Variants in DPYD observed in about 807,000 individuals in gnomAD.
DPYD encodes dihydropyrimidine dehydrogenase [NADP(+)].
A neutral mutation model predicts 116.2 loss-of-function variants in DPYD; 109 were observed. The ratio of observed to expected loss-of-function variants is 0.94; its 90% CI spans 0.80 to 1.10. DPYD has a LOEUF of 1.10. Ranked by LOEUF, DPYD falls within the 50% of genes least tolerant of loss-of-function variation. The probability of loss-of-function intolerance (pLI) is 0.00; values close to 1 mark genes in which losing one functional copy is unlikely to be tolerated. For missense variants in DPYD, 1,302 were observed against 1,254.5 expected, an observed-to-expected ratio of 1.04 and a Z score of -0.57; for synonymous variants, 440 against 432.0, an observed-to-expected ratio of 1.02 and a Z score of -0.23.
At chr1:97,695,859 G>A (rs1241919217) in intron 6 of DPYD, among the ~76,000 whole-genome samples, 2 of 152,184 alleles carry the variant, frequency 1.3e-5, no homozygotes, top group African/African-American at 4.8e-5. Context: ...GCCGGGCGCA[G>A]TGGCTCACGC....
At chr1:97,171,643 TA>T (rs1258783599) in intron 20 of DPYD, among the ~76,000 whole-genome samples, 3 of 152,174 alleles carry the variant, frequency 2.0e-5, no homozygotes, top group African/African-American at 4.8e-5. Context: ...ATTCATACCT[TA>T]CATAAATCAT....
At chr1:97,296,553 T>C (rs12028211) in intron 18 of DPYD, among the ~76,000 whole-genome samples, 5,919 of 152,202 alleles carry the variant, frequency 0.039, 294 homozygotes, top group East Asian at 0.17. Context: ...AAATTCACTT[T>C]TATTTTGAAT....
intron 14 of DPYD, among the ~76,000 whole-genome samples, chr1:97,425,230 CAAAT>C (rs1188833280): frequency 6.6e-6 from 1 of 151,746 alleles, no homozygotes; most frequent in African/African-American, 2.4e-5. Flanking sequence ...TAAAGAAAAA[CAAAT>C]AAAAAATATC....
At chr1:97,430,332 G>A (rs1217099540) in intron 14 of DPYD, among the ~76,000 whole-genome samples, 2 of 152,150 alleles carry the variant, frequency 1.3e-5, no homozygotes, top group African/African-American at 4.8e-5. Flanking sequence ...AAGACTGACA[G>A]ATTTGCTCAT....
In DPYD at chr1:97,193,247, A is replaced by C; in HGVS notation, c.2444T>G (p.Val815Gly). 6.2e-7 allele frequency: 1 copy of C among 1,613,194 alleles called. No homozygotes were observed. Among genetic ancestry groups the C allele is most frequent in the Non-Finnish European group, 8.5e-7 (1 of 1,179,612 alleles). The change falls in exon 20 of 23, where the codon GTA becomes GGA. Residue 815 changes from valine (V) to glycine (G), a missense_variant and splice_region_variant. By Grantham distance (109) the Val-to-Gly change is moderately radical. Coordinates refer to ENST00000370192, the MANE Select transcript of DPYD (RefSeq NM_000110.4). ...FLHSGASVLQVCSAIQNQDFT... is the reference protein window; with the variant it reads ...FLHSGASVLQGCSAIQNQDFT... Reference sequence around the variant, plus strand: ...ATCCTGATTCTGAATGGCACTGCATACCTAGAAAAGACAGAGCAGTCAACC... The same window carrying C: ...ATCCTGATTCTGAATGGCACTGCATCCCTAGAAAAGACAGAGCAGTCAACC...
chr1:97,599,242 T>C (rs1353299092), intron 8 of DPYD, among the ~76,000 whole-genome samples: 1 of 152,222 alleles, frequency 6.6e-6, no homozygotes, highest in African/African-American at 2.4e-5. Context: ...TTGATATTCT[T>C]TGAAATGTGT....
intron 19 of DPYD, among the ~76,000 whole-genome samples, chr1:97,203,793 C>CAAAA (rs56819543): frequency 3.0e-4 from 20 of 65,706 alleles, no homozygotes; most frequent in East Asian, 4.7e-4. Flanking sequence ...ATTCACATTC[C>CAAAA]AAAAAAAAAA....
At chr1:97,766,903 AG>A (rs1431777585) in intron 3 of DPYD, among the ~76,000 whole-genome samples, 1 of 152,204 alleles carries the variant, frequency 6.6e-6, no homozygotes, top group African/African-American at 2.4e-5. Flanking sequence ...TTTCTTCAGA[AG>A]TGGCCCAGGA....
chr1:97,875,623 T>C (rs1671873642), intron 2 of DPYD, among the ~76,000 whole-genome samples: 1 of 152,056 alleles, frequency 6.6e-6, no homozygotes, highest in South Asian at 2.1e-4. Context: ...ATGAGCTTTA[T>C]ACTCTGAAGG....
intron 3 of DPYD, among the ~76,000 whole-genome samples, chr1:97,794,075 C>A (rs750582375): frequency 2.0e-5 from 3 of 152,034 alleles, no homozygotes; most frequent in African/African-American, 4.8e-5. Flanking sequence ...GTAGCTGGGA[C>A]TACAGGCATG....
intron 13 of DPYD, among the ~76,000 whole-genome samples, chr1:97,491,764 T>C (rs1274119680): frequency 6.6e-6 from 1 of 152,128 alleles, no homozygotes; most frequent in African/African-American, 2.4e-5. Context: ...TTGTCTATTA[T>C]ATAAAGTTTT....
chr1:97,340,732 G>A (rs1216546426), intron 16 of DPYD, among the ~76,000 whole-genome samples: 1 of 152,154 alleles, frequency 6.6e-6, no homozygotes, highest in Non-Finnish European at 1.5e-5. Context: ...GTATCTGTTA[G>A]ATTTTGACTG....
At chr1:97,564,320 T>C (rs571308766) in intron 11 of DPYD, among the ~76,000 whole-genome samples, 15 of 152,224 alleles carry the variant, frequency 9.9e-5, no homozygotes, top group Non-Finnish European at 2.1e-4. Flanking sequence ...AAGCTGACCT[T>C]TTTTCTCTTC....
At chr1:97,850,823 C>T (rs1445392017) in intron 2 of DPYD, among the ~76,000 whole-genome samples, 1 of 151,984 alleles carries the variant, frequency 6.6e-6, no homozygotes, top group East Asian at 1.9e-4. Context: ...ACTATAACTC[C>T]ACCATCTGTT....
At chr1:97,430,872 C>A (rs940660040) in intron 14 of DPYD, among the ~76,000 whole-genome samples, 3 of 151,876 alleles carry the variant, frequency 2.0e-5, no homozygotes, top group Non-Finnish European at 4.4e-5. Context: ...AATTTGTAAA[C>A]ATTGCCTATA....
At chr1:97,660,161 ACTT>A (rs1379650810) in intron 8 of DPYD, among the ~76,000 whole-genome samples, 1 of 152,116 alleles carries the variant, frequency 6.6e-6, no homozygotes, top group Non-Finnish European at 1.5e-5. Context: ...GATAGGATTA[ACTT>A]CTTTTCAAAG....
intron 6 of DPYD, among the ~76,000 whole-genome samples, chr1:97,697,846 T>C (rs186896601): frequency 6.6e-6 from 1 of 152,170 alleles, no homozygotes; most frequent in East Asian, 1.9e-4. Flanking sequence ...TTGGTTCCAT[T>C]TTAGGCCTTT....
chr1:97,738,461 G>A (rs946665596), intron 4 of DPYD, among the ~76,000 whole-genome samples: 1 of 152,076 alleles, frequency 6.6e-6, no homozygotes, highest in East Asian at 1.9e-4. Flanking sequence ...TACAAAACAA[G>A]TGACATCCTT....
At chr1:97,813,928 A>ACC (rs907496274) in intron 3 of DPYD, among the ~76,000 whole-genome samples, 1 of 151,328 alleles carries the variant, frequency 6.6e-6, no homozygotes, top group Non-Finnish European at 1.5e-5. Context: ...ACACACACAC[A>ACC]CACACACACA....
Sources: allele counts gnomAD v4.1 joint callset (sites outside exome capture counted in the v4.1 genomes callset), GRCh38; gene constraint gnomAD v4.1.1; transcripts MANE v1.5; gene names NCBI Gene and HGNC (gene_info 2026-07-23, HGNC 2026-07-21).